Variants in EYS observed in about 807,000 individuals in gnomAD.
The protein encoded by EYS is protein eyes shut homolog.
A neutral mutation model predicts 282.1 loss-of-function variants in EYS; 250 were observed. That is an observed-to-expected ratio of 0.89 (90% CI 0.80 to 0.98). The LOEUF is 0.98. Among genes scored for constraint, EYS ranks in the 50% least tolerant of loss-of-function variants. The pLI is 0.00. For synonymous variants in EYS, 1,355 were observed against 1,282.9 expected, an observed-to-expected ratio of 1.06 and a Z score of -1.20; for missense variants, 4,016 against 3,709.0, an observed-to-expected ratio of 1.08 and a Z score of -2.15.
At chr6:65,530,200 G>A (rs1767712052) in intron 2 of EYS, among the ~76,000 whole-genome samples, 1 of 152,072 alleles carries the variant, frequency 6.6e-6, no homozygotes, top group Non-Finnish European at 1.5e-5. Flanking sequence ...TAATTTAAAT[G>A]GGAAGATATT....
chr6:64,178,417 CAT>C (rs1469595863), intron 31 of EYS, among the ~76,000 whole-genome samples: 1 of 152,088 alleles, frequency 6.6e-6, no homozygotes, highest in Non-Finnish European at 1.5e-5. Flanking sequence ...TAATTTTCTA[CAT>C]GAGTGGAATT....
chr6:64,387,992 A>T (rs1772969339), intron 29 of EYS, among the ~76,000 whole-genome samples: 1 of 152,142 alleles, frequency 6.6e-6, no homozygotes, highest in African/African-American at 2.4e-5. Flanking sequence ...TAATATAAAA[A>T]TAGTATGTTC....
intron 2 of EYS, among the ~76,000 whole-genome samples, chr6:65,546,582 G>GTTTGTTT (rs562899639): frequency 0.023 from 3,023 of 133,994 alleles, 50 homozygotes; most frequent in Middle Eastern, 0.061. Flanking sequence ...TCTTTTTTTT[G>GTTTGTTT]TTTGTTTTTT....
At chr6:65,357,675 T>C (rs1011515344) in intron 8 of EYS, among the ~76,000 whole-genome samples, 3 of 152,000 alleles carry the variant, frequency 2.0e-5, no homozygotes, top group African/African-American at 4.8e-5. Context: ...ATATTTATTA[T>C]ATAGACCAGG....
intron 26 of EYS, among the ~76,000 whole-genome samples, chr6:64,532,813 A>C (rs1448568033): frequency 6.6e-6 from 1 of 152,194 alleles, no homozygotes; most frequent in Admixed American, 6.5e-5. Context: ...CATATAATAA[A>C]AAATTATGAG....
chr6:64,319,689 A>AGACG (rs1770131748), intron 29 of EYS, among the ~76,000 whole-genome samples: 3 of 150,736 alleles, frequency 2.0e-5, no homozygotes, highest in Admixed American at 6.6e-5. Flanking sequence ...AGGCAATCTC[A>AGACG]GATGGATGGA....
intron 14 of EYS, among the ~76,000 whole-genome samples, chr6:64,983,901 A>G (rs1413997081): frequency 6.6e-6 from 1 of 151,246 alleles, no homozygotes; most frequent in Non-Finnish European, 1.5e-5. Context: ...GTAGCATTTA[A>G]CCACCAAGCT....
chr6:64,236,133 G>C (rs1189634816), intron 30 of EYS, among the ~76,000 whole-genome samples: 1 of 152,136 alleles, frequency 6.6e-6, no homozygotes, highest in East Asian at 1.9e-4. Flanking sequence ...CCATGATCAA[G>C]TGGGCTTTTT....
chr6:64,563,942 T>A (rs1765481267), intron 26 of EYS, among the ~76,000 whole-genome samples: 2 of 151,914 alleles, frequency 1.3e-5, no homozygotes, highest in African/African-American at 4.8e-5. Flanking sequence ...ATAAATATTT[T>A]AAAATTATCA....
intron 35 of EYS, among the ~76,000 whole-genome samples, chr6:63,962,411 A>G (rs1468673565): frequency 6.6e-6 from 1 of 152,204 alleles, no homozygotes. Context: ...ACAAATTTAC[A>G]AGAAAAAAAC....
At chr6:63,863,514 A>G (rs1772587208) in intron 36 of EYS, among the ~76,000 whole-genome samples, 1 of 152,122 alleles carries the variant, frequency 6.6e-6, no homozygotes, top group South Asian at 2.1e-4. Context: ...AAATGACATG[A>G]AATAATTTGA....
intron 31 of EYS, among the ~76,000 whole-genome samples, chr6:64,198,015 C>T (rs1459213271): frequency 2.7e-5 from 4 of 150,074 alleles, no homozygotes; most frequent in East Asian, 3.9e-4. Context: ...TTTTTTGAGA[C>T]GGAGTCTCGC....
chr6:64,085,338 GCGCACA>G (rs1772117397), intron 31 of EYS, among the ~76,000 whole-genome samples: 2 of 85,552 alleles, frequency 2.3e-5, no homozygotes, highest in African/African-American at 9.2e-5. Flanking sequence ...GCACGTGCGC[GCGCACA>G]CACACACACA....
chr6:65,424,079 C>A (rs1053195773), intron 5 of EYS, among the ~76,000 whole-genome samples: 8 of 151,838 alleles, frequency 5.3e-5, no homozygotes, highest in East Asian at 3.9e-4. Flanking sequence ...ATGAATTTAA[C>A]GTGAAATTTG....
chr6:64,509,649 GAA>G (rs1449047153), intron 26 of EYS, among the ~76,000 whole-genome samples: 3 of 152,136 alleles, frequency 2.0e-5, no homozygotes, highest in African/African-American at 7.2e-5. Context: ...TCCCTGTAGT[GAA>G]AGAGTATTTT....
chr6:64,875,883 A>C (rs1425448774), intron 19 of EYS, among the ~76,000 whole-genome samples: 1 of 152,050 alleles, frequency 6.6e-6, no homozygotes, highest in Non-Finnish European at 1.5e-5. Flanking sequence ...ATATATGATA[A>C]TTGATGTGTT....
At chr6:65,517,338 C>CAAA (rs200763799) in intron 2 of EYS, among the ~76,000 whole-genome samples, 4 of 82,126 alleles carry the variant, frequency 4.9e-5, no homozygotes, top group African/African-American at 2.3e-4. Flanking sequence ...TTCAAAACAA[C>CAAA]AACAAAAAAA....
chr6:64,686,991 A>G (rs1770173964), intron 22 of EYS, among the ~76,000 whole-genome samples: 1 of 149,146 alleles, frequency 6.7e-6, no homozygotes, highest in Non-Finnish European at 1.5e-5. Flanking sequence ...GAAAAACTGG[A>G]TAAAATAAAC....
chr6:65,421,462 C>A (rs1425249756), intron 5 of EYS, among the ~76,000 whole-genome samples: 2 of 151,554 alleles, frequency 1.3e-5, no homozygotes, highest in African/African-American at 4.9e-5. Flanking sequence ...TCTATTCAGA[C>A]CACTAACATT....
Sources: gnomAD v4.1 joint callset for allele counts (sites outside exome capture counted in the v4.1 genomes callset) on GRCh38, gnomAD v4.1.1 for gene constraint, MANE v1.5 for transcripts, NCBI Gene and HGNC (gene_info 2026-07-23, HGNC 2026-07-21) for gene names.